ALMS1: variants seen among roughly 807,000 people sequenced by gnomAD.
ALMS1 encodes centrosome-associated protein ALMS1.
Under a neutral mutation model 352.2 loss-of-function variants are expected in ALMS1, and 271 were observed. The ratio of observed to expected loss-of-function variants is 0.77; its 90% CI spans 0.70 to 0.85. The LOEUF is 0.85. Among genes scored for constraint, ALMS1 ranks in the 40% least tolerant of loss-of-function variants. The pLI is 0.00. For missense variants in ALMS1, 5,445 were observed against 4,870.7 expected, an observed-to-expected ratio of 1.12 and a Z score of -3.51; for synonymous variants, 1,865 against 1,761.2, an observed-to-expected ratio of 1.06 and a Z score of -1.48.
rs1458473971 is a variant in ALMS1 at position 73,559,137 on chromosome 2, T to C, written c.10379T>C (p.Ile3460Thr). The C allele has an allele frequency of 3.7e-6, 6 of 1,613,130 alleles. No homozygotes were observed. Among genetic ancestry groups the C allele is most frequent in the South Asian group, 1.1e-5 (1 of 90,942 alleles). Reference sequence around the variant, plus strand: ...AATAAAGAATCCCTACAGATCAATATTGAAGGTAATGGGATTGGGTTGTGT... The same window carrying C: ...AATAAAGAATCCCTACAGATCAATACTGAAGGTAATGGGATTGGGTTGTGT... Reference protein sequence around the residue: ...PNNKESLQINIEESECHSEFE... With the variant: ...PNNKESLQINTEESECHSEFE... The change falls in exon 15 of 23, where the codon ATT becomes ACT. Residue 3460 changes from isoleucine (I) to threonine (T), a missense_variant. Ile to Thr is a moderately conservative substitution (Grantham distance 89). Transcript: ENST00000613296.
intron 2 of ALMS1, among the ~76,000 whole-genome samples, chr2:73,416,056 A>T (rs1671176331): frequency 6.6e-6 from 1 of 152,122 alleles, no homozygotes; most frequent in Non-Finnish European, 1.5e-5. Context: ...ACTATTAGAG[A>T]GGAGTGAACT....
At chr2:73,562,883 A>G (rs1442104366) in intron 15 of ALMS1, among the ~76,000 whole-genome samples, 1 of 152,030 alleles carries the variant, frequency 6.6e-6, no homozygotes, top group African/African-American at 2.4e-5. Context: ...GTGAAACTCC[A>G]TCTCAAAAAA....
chr2:73,514,288 C>A (rs1488094176), intron 10 of ALMS1, among the ~76,000 whole-genome samples: 2 of 151,752 alleles, frequency 1.3e-5, no homozygotes. Context: ...TATTTTTATT[C>A]CATGCTATTT....
At chr2:73,461,345 G>T (rs907397294) in intron 9 of ALMS1, among the ~76,000 whole-genome samples, 1 of 152,186 alleles carries the variant, frequency 6.6e-6, no homozygotes, top group Non-Finnish European at 1.5e-5. Context: ...AGGCAAACAG[G>T]GTCTGGAGTG....
At chr2:73,508,702 A>G (rs1406898196) in intron 10 of ALMS1, among the ~76,000 whole-genome samples, 3 of 152,146 alleles carry the variant, frequency 2.0e-5, no homozygotes, top group Non-Finnish European at 4.4e-5. Flanking sequence ...GTAGATGTCT[A>G]TTAGGTCTGC....
chr2:73,550,240 T>G, intron 12 of ALMS1, 27 bp from the exon 13 acceptor site: 2 of 1,613,344 alleles, frequency 1.2e-6, no homozygotes, highest in Non-Finnish European at 1.7e-6. Flanking sequence ...TATTTGTGTT[T>G]TGTATTACTT....
chr2:73,541,600 A>G (rs1674182306), intron 12 of ALMS1, among the ~76,000 whole-genome samples: 1 of 152,230 alleles, frequency 6.6e-6, no homozygotes, highest in East Asian at 1.9e-4. Flanking sequence ...GAAAAGATCA[A>G]CAAAATTGAT....
At chr2:73,395,074 A>ATTTTTTTTTTTTTTTTTTTTTT in intron 1 of ALMS1, among the ~76,000 whole-genome samples, 1 of 101,268 alleles carries the variant, frequency 9.9e-6, no homozygotes, top group African/African-American at 5.2e-5. Flanking sequence ...ATATATATAT[A>ATTTTTTTTTTTTTTTTTTTTTT]TATATTTTTT....
chr2:73,572,344 C>A lies in ALMS1; in HGVS notation c.10467C>A (p.His3489Gln). Residue 3489 changes from histidine to glutamine, a missense_variant, in exon 16 of 23, where the codon CAC becomes CAA. His to Gln is a conservative substitution (Grantham distance 24, BLOSUM62 0). Transcript: ENST00000613296. ...SAKFYIHHPV[H>Q]LPSDQDICHE... The stretch of plus-strand genomic sequence containing the variant: ...AGTTTTACATTCATCATCCCGTACA[C>A]CTACCAAGTGATCAAGATATTTGCC... 6.2e-7 allele frequency: 1 copy of A among 1,608,192 alleles called. No homozygotes were observed. The highest frequency in any genetic ancestry group is 8.5e-7 in the Non-Finnish European group (1 of 1,177,638).
Position 73,449,436 on chromosome 2 carries a change from C to T in ALMS1, c.2909C>T (p.Pro970Leu). Residue 970 changes from proline to leucine, a missense_variant, in exon 8 of 23, where the codon CCA becomes CTA. Pro to Leu is a moderately conservative substitution (Grantham distance 98, BLOSUM62 -3). Transcript: ENST00000613296. ...AGTGTTTTCTACCAGCAAGAGTTGC[C>T]AGACAGTGATCTACCTAGAGAATCT... ...KSSVFYQQEL[P>L]DSDLPRESLK... The T allele has an allele frequency of 6.2e-7, 1 of 1,614,038 alleles. No homozygotes were observed. The highest frequency in any genetic ancestry group is 8.5e-7 in the Non-Finnish European group (1 of 1,179,972).
In ALMS1 at chr2:73,573,205, C is replaced by T. The variant is rs45596541; in HGVS notation, c.11328C>T (p.His3776=). Residue 3776 remains histidine (H), a synonymous_variant, in exon 16 of 23, where the codon CAC becomes CAT. Coordinates refer to ENST00000613296, the MANE Select transcript of ALMS1 (RefSeq NM_001378454.1). The part of the protein sequence containing the change: ...LTQTDREVAL[H]ERSSSVSTID... ...AAACAGATAGAGAGGTGGCTCTGCA[C>T]GAAAGGAGTAGCTCTGTTTCCACTA... is the stretch of plus-strand genomic sequence containing the variant. The T allele has an allele frequency of 4.0e-4, 637 of 1,612,190 alleles. No homozygotes were observed. The highest frequency in any genetic ancestry group is 5.1e-4 in the Non-Finnish European group (600 of 1,178,846).
At chr2:73,539,680 A>G (rs1199203044) in intron 12 of ALMS1, among the ~76,000 whole-genome samples, 1 of 152,230 alleles carries the variant, frequency 6.6e-6, no homozygotes, top group Non-Finnish European at 1.5e-5. Flanking sequence ...AAGTCCTTAA[A>G]GGACCTGATA....
At chr2:73,481,256 C>A (rs937171106) in intron 9 of ALMS1, among the ~76,000 whole-genome samples, 2,645 of 152,114 alleles carry the variant, frequency 0.017, 68 homozygotes, top group African/African-American at 0.059. Context: ...TTTTTGTATA[C>A]GGTGTAAGGA....
At chr2:73,471,271 G>C (rs1255613184) in intron 9 of ALMS1, among the ~76,000 whole-genome samples, 1 of 146,646 alleles carries the variant, frequency 6.8e-6, no homozygotes, top group Non-Finnish European at 1.5e-5. Flanking sequence ...TTTCTTTGTG[G>C]TTACCAAAGT....
intron 16 of ALMS1, among the ~76,000 whole-genome samples, chr2:73,582,581 A>G (rs553489574): frequency 1.3e-5 from 2 of 152,262 alleles, no homozygotes; most frequent in African/African-American, 2.4e-5. Flanking sequence ...CTGTTTATGA[A>G]TGATTACCTT....
At chr2:73,528,842 T>G (rs1673849425) in intron 11 of ALMS1, among the ~76,000 whole-genome samples, 1 of 152,138 alleles carries the variant, frequency 6.6e-6, no homozygotes, top group South Asian at 2.1e-4. Flanking sequence ...TCAAATAGCC[T>G]GTCTTCAAAC....
rs370267673 is a variant in ALMS1, at chr2:73,424,640, G to A, written c.975G>A (p.Ser325=). The A allele has an allele frequency of 1.7e-4, 269 of 1,613,948 alleles. 2 individuals are homozygous for A. The South Asian group carries it at 2.4e-3, about 14-fold the overall frequency. ...AAGGGAATAATGAAGAGACTATTTC[G>A]TCTGTTGATGAACTGAAAATTCCCA... ...SEQGNNEETI[S]SVDELKIPKD... The change falls in exon 5 of 23, where the codon TCG becomes TCA. Residue 325 remains serine (S), a synonymous_variant. Transcript: ENST00000613296.
Position 73,454,076 on chromosome 2 carries a change from A to T in ALMS1, c.7540+9A>T, listed in dbSNP as rs1444419774. On this transcript the variant is annotated intron_variant, in intron 8 of 22. Transcript: ENST00000613296. ...CCGGGTACGAGCACATGGTAAGAAG[A>T]AAGTTTCAGGCTTATAAACGTTATA... The T allele has an allele frequency of 2.5e-6, 4 of 1,602,790 alleles. No individual in the cohort carries two copies. The South Asian group carries it at 4.5e-5, about 18-fold the overall frequency.
At chr2:73,517,246 C>CTTTTGTTTTTTTTTTTTTTT (rs1673578033) in intron 10 of ALMS1, among the ~76,000 whole-genome samples, 1 of 105,000 alleles carries the variant, frequency 9.5e-6, no homozygotes, top group African/African-American at 4.7e-5. Flanking sequence ...AAGTTTTAGT[C>CTTTTGTTTTTTTTTTTTTTT]TTTTTTTTTT....
Sources: allele counts gnomAD v4.1 joint callset (sites outside exome capture counted in the v4.1 genomes callset), GRCh38; gene constraint gnomAD v4.1.1; transcripts MANE v1.5; gene names NCBI Gene and HGNC (gene_info 2026-07-23, HGNC 2026-07-21).